Variants in DCC observed in about 807,000 individuals in gnomAD.
The protein encoded by DCC is DCC netrin 1 receptor.
A neutral mutation model predicts 172.5 loss-of-function variants in DCC; 58 were observed. That is an observed-to-expected ratio of 0.34 (90% confidence interval 0.27 to 0.42). The LOEUF (loss-of-function observed/expected upper bound fraction) is 0.42, where lower values mean the gene tolerates loss of function less well. Among genes scored for constraint, DCC ranks in the 10% least tolerant of loss-of-function variants. DCC has a pLI of 1.00. For missense variants in DCC, 1,740 were observed against 1,791.0 expected (o/e 0.97, Z 0.51); for synonymous variants, 709 against 644.5 (o/e 1.10, Z -1.52).
At chr18:53,431,995 T>TA (rs1911648265) in intron 21 of DCC, among the ~76,000 whole-genome samples, 1 of 152,118 alleles carries the variant, frequency 6.6e-6, no homozygotes, top group African/African-American at 2.4e-5. Context: ...GTAAAAGTGT[T>TA]AAAAATTTAG....
intron 5 of DCC, among the ~76,000 whole-genome samples, chr18:52,929,467 GTGACCGTAATGTAA>G (rs1438048927): frequency 5.3e-5 from 8 of 152,034 alleles, no homozygotes; most frequent in African/African-American, 1.9e-4. Flanking sequence ...AATAAAATAC[GTGACCGTAATGTAA>G]TGATCTTGAC....
chr18:53,523,763 A>T (rs928106339), intron 27 of DCC, among the ~76,000 whole-genome samples: 3 of 151,976 alleles, frequency 2.0e-5, no homozygotes, highest in Non-Finnish European at 1.5e-5. Flanking sequence ...GTCGGAGGGC[A>T]GGGGGCTGGG....
intron 1 of DCC, among the ~76,000 whole-genome samples, chr18:52,589,938 A>G (rs943401254): frequency 6.6e-6 from 1 of 152,200 alleles, no homozygotes; most frequent in African/African-American, 2.4e-5. Context: ...TTTTTTGTTG[A>G]TGATCTATTG....
At chr18:52,342,567 G>T (rs991259200) in intron 1 of DCC, among the ~76,000 whole-genome samples, 1 of 152,150 alleles carries the variant, frequency 6.6e-6, no homozygotes, top group African/African-American at 2.4e-5. Flanking sequence ...CCCTCCTTCT[G>T]CCCAGAAGAT....
At chr18:53,410,735 A>G (rs767331321) in intron 20 of DCC, 89 bp downstream of exon 20, 3 of 830,456 alleles carry the variant, frequency 3.6e-6, no homozygotes, top group South Asian at 2.7e-5. Flanking sequence ...GCCCTGCACC[A>G]TCTCTATTAG....
chr18:52,469,266 C>T (rs1362755482), intron 1 of DCC, among the ~76,000 whole-genome samples: 1 of 152,018 alleles, frequency 6.6e-6, no homozygotes, highest in East Asian at 1.9e-4. Context: ...CTCTGTTGCC[C>T]AGGGTAGTCT....
chr18:52,997,444 A>G (rs932584767), intron 5 of DCC, among the ~76,000 whole-genome samples: 1 of 152,280 alleles, frequency 6.6e-6, no homozygotes, highest in Admixed American at 6.5e-5. Context: ...GATGAAGTGT[A>G]ATAGACACAT....
intron 9 of DCC, among the ~76,000 whole-genome samples, chr18:53,179,794 T>A (rs2055167420): frequency 6.6e-6 from 1 of 152,226 alleles, no homozygotes; most frequent in Admixed American, 6.5e-5. Context: ...TTTTGTTTTT[T>A]CTTGTGCATT....
chr18:53,360,936 A>T (rs2057938329), intron 15 of DCC, among the ~76,000 whole-genome samples: 1 of 152,258 alleles, frequency 6.6e-6, no homozygotes, highest in East Asian at 1.9e-4. Context: ...CTAAGACGGT[A>T]TGTGCATGTT....
chr18:52,736,554 GT>G (rs1212357607), intron 1 of DCC, among the ~76,000 whole-genome samples: 1 of 152,096 alleles, frequency 6.6e-6, no homozygotes, highest in Non-Finnish European at 1.5e-5. Context: ...GAGAAAAAAA[GT>G]TGAAAGGGAA....
intron 7 of DCC, among the ~76,000 whole-genome samples, chr18:53,136,853 T>C (rs1284419293): frequency 6.6e-6 from 1 of 152,216 alleles, no homozygotes; most frequent in Non-Finnish European, 1.5e-5. Flanking sequence ...ATTTTCCATG[T>C]TTCTAATAAT....
At position 53,142,058 on chromosome 18, in the gene DCC, T is replaced by A. The variant is rs117915046; in HGVS notation, c.1262-15298T>A. ...TTTGCTATGCCCACTGGAGCACAAC[T>A]GTCTTCCCACCCTGCCACCTTTAAT... On this transcript the variant is annotated intron_variant, in intron 7 of 28. Coordinates refer to ENST00000442544, the MANE Select transcript of DCC (RefSeq NM_005215.4). 3.1e-3 allele frequency among the ~76,000 whole-genome samples: 473 copies of A among 152,342 alleles called. 2 individuals are homozygous for A. The highest frequency in any genetic ancestry group is 4.9e-3 in the Non-Finnish European group (336 of 68,036).
intron 2 of DCC, among the ~76,000 whole-genome samples, chr18:52,856,408 G>A (rs1034191943): frequency 6.6e-6 from 1 of 151,580 alleles, no homozygotes; most frequent in Non-Finnish European, 1.5e-5. Context: ...GGCGTTTCAC[G>A]AGGTCAGGAG....
intron 2 of DCC, among the ~76,000 whole-genome samples, chr18:52,867,574 T>A (rs1163302304): frequency 2.0e-5 from 3 of 152,182 alleles, no homozygotes; most frequent in Non-Finnish European, 4.4e-5. Context: ...GTTATTTGTT[T>A]ATTCAGTGAT....
At chr18:53,262,002 T>C (rs975863360) in intron 12 of DCC, among the ~76,000 whole-genome samples, 28 of 152,186 alleles carry the variant, frequency 1.8e-4, no homozygotes, top group Non-Finnish European at 2.1e-4. Context: ...ATGGTGGATT[T>C]CCATCAGAAA....
intron 2 of DCC, among the ~76,000 whole-genome samples, chr18:52,888,709 T>G (rs1441292727): frequency 6.6e-6 from 1 of 151,992 alleles, no homozygotes; most frequent in African/African-American, 2.4e-5. Context: ...AACAATGCCC[T>G]GTGATAAGAT....
At chr18:52,487,190 G>A (rs978167604) in intron 1 of DCC, among the ~76,000 whole-genome samples, 9 of 152,112 alleles carry the variant, frequency 5.9e-5, no homozygotes, top group Non-Finnish European at 1.2e-4. Flanking sequence ...GGTTAGTCTA[G>A]CAGTCTTTGC....
At chr18:53,428,834 ATATTTTATATATAATAAATTATATATTAT>A in intron 21 of DCC, among the ~76,000 whole-genome samples, 1 of 28,396 alleles carries the variant, frequency 3.5e-5, no homozygotes, top group Non-Finnish European at 6.6e-5. Flanking sequence ...TATATATTAT[ATATTTTATATATAATAAATTATATATTAT>A]ATATTTTATA....
chr18:53,317,600 A>G (rs1038633629), intron 13 of DCC, among the ~76,000 whole-genome samples: 2 of 152,074 alleles, frequency 1.3e-5, no homozygotes, highest in African/African-American at 2.4e-5. Flanking sequence ...CTATAAATCC[A>G]TCTGGTCCCA....
Sources: allele counts gnomAD v4.1 joint callset (sites outside exome capture counted in the v4.1 genomes callset), GRCh38; gene constraint gnomAD v4.1.1; transcripts MANE v1.5; gene names NCBI Gene and HGNC (gene_info 2026-07-23, HGNC 2026-07-21).